CDC42BPA: variants seen among roughly 807,000 people sequenced by gnomAD.
CDC42BPA encodes serine/threonine-protein kinase MRCK alpha.
CDC42BPA carries 80 observed loss-of-function variants against 223.5 expected under a neutral mutation model. The observed-to-expected ratio is 0.36, with a 90% confidence interval of 0.30 to 0.43. The LOEUF (loss-of-function observed/expected upper bound fraction) is 0.43, where lower values mean the gene tolerates loss of function less well. Ranked by LOEUF, CDC42BPA falls within the 20% of genes least tolerant of loss-of-function variation. The pLI is 1.00. For missense variants in CDC42BPA, 1,743 were observed against 2,099.9 expected (o/e 0.83, Z 3.32); for synonymous variants, 694 against 718.6 (o/e 0.97, Z 0.55).
chr1:227,213,026 C>T, intron 3 of CDC42BPA, 110 bp downstream of exon 3: 2 of 547,200 alleles, frequency 3.7e-6, no homozygotes, highest in Non-Finnish European at 6.4e-6. Context: ...TAAAAAATGT[C>T]ACCACAGACA....
intron 10 of CDC42BPA, among the ~76,000 whole-genome samples, chr1:227,135,504 T>C (rs749584371): frequency 1.3e-5 from 2 of 152,168 alleles, no homozygotes; most frequent in Admixed American, 6.5e-5. Context: ...AACTAGGCTC[T>C]ATCCAGCTCC....
chr1:227,029,317 A>C, intron 29 of CDC42BPA, 67 bp from the exon 30 acceptor site: 6 of 1,035,934 alleles, frequency 5.8e-6, no homozygotes, highest in Non-Finnish European at 8.2e-6. Flanking sequence ...AATTATACTC[A>C]AAAGGATGTA....
At position 227,111,254 on chromosome 1, in the gene CDC42BPA, G is replaced by A. The variant is rs117861242; in HGVS notation, c.2001+1058C>T. On this transcript the variant is annotated intron_variant, in intron 14 of 36. Transcript: ENST00000366766. ...ACAGATATAGCAGAGAAAACAGGAT[G>A]GAAAAAGTTTCCAGTCAAAAAAGAT... is the stretch of plus-strand genomic sequence containing the variant. Among the ~76,000 whole-genome samples, 387 of 152,042 alleles carry A rather than the reference G, an allele frequency of 2.5e-3. 9 individuals carry two copies. In the East Asian group the frequency reaches 0.047, roughly 18 times the overall value.
At chr1:227,313,721 T>C (rs768555134) in intron 1 of CDC42BPA, among the ~76,000 whole-genome samples, 1 of 151,846 alleles carries the variant, frequency 6.6e-6, no homozygotes, top group Non-Finnish European at 1.5e-5. Flanking sequence ...AAGATACATA[T>C]CCATCAACAC....
At chr1:227,210,457 T>TCC (rs1673678274) in intron 3 of CDC42BPA, among the ~76,000 whole-genome samples, 3 of 152,190 alleles carry the variant, frequency 2.0e-5, no homozygotes, top group African/African-American at 7.2e-5. Context: ...TCTTCAGCTA[T>TCC]ACTTCACAGG....
intron 2 of CDC42BPA, among the ~76,000 whole-genome samples, chr1:227,245,284 CTTTTTTT>C (rs759666049): frequency 9.8e-5 from 8 of 81,786 alleles, no homozygotes; most frequent in African/African-American, 4.3e-4. Context: ...TGTCTTGCAT[CTTTTTTT>C]TTTTTTTTTT....
rs762092933 is a variant in CDC42BPA, at chr1:227,145,557, T to C, written c.1075A>G (p.Ile359Val). 43 of 1,613,492 alleles carry C rather than the reference T, an allele frequency of 2.7e-5. No individual in the cohort carries two copies. In the Admixed American group the frequency reaches 6.8e-4, roughly 26 times the overall value. Residue 359 changes from isoleucine to valine, a missense_variant, in exon 8 of 37, where the codon ATT (isoleucine) becomes GTT (valine). Physicochemically the swap from Ile to Val is conservative, Grantham distance 29. Transcript: ENST00000366766. ...DNIRNCEAPY[I>V]PEVSSPTDTS... The stretch of plus-strand genomic sequence containing the variant: ...TCTGTTGGGCTACTAACTTCTGGAA[T>C]ATAAGGTGCTTCACAGTTCCGAATA...
chr1:227,124,937 C>T (rs887836568), intron 11 of CDC42BPA, among the ~76,000 whole-genome samples: 4 of 151,974 alleles, frequency 2.6e-5, no homozygotes, highest in Admixed American at 1.3e-4. Context: ...AAACATAAGA[C>T]GACTCCGAAA....
chr1:227,258,579 G>A (rs1050220700), intron 1 of CDC42BPA, among the ~76,000 whole-genome samples: 3 of 150,964 alleles, frequency 2.0e-5, no homozygotes, highest in African/African-American at 7.4e-5. Context: ...CATTCATAAT[G>A]TCTGGGATAA....
chr1:227,311,024 C>A (rs1476265275), intron 1 of CDC42BPA, among the ~76,000 whole-genome samples: 1 of 152,058 alleles, frequency 6.6e-6, no homozygotes, highest in African/African-American at 2.4e-5. Flanking sequence ...AAACTTGTGT[C>A]TGGGATAATC....
At chr1:227,297,981 CATATAT>C (rs137866814) in intron 1 of CDC42BPA, among the ~76,000 whole-genome samples, 38 of 139,402 alleles carry the variant, frequency 2.7e-4, no homozygotes, top group Non-Finnish European at 4.4e-4. Flanking sequence ...CACACACACA[CATATAT>C]ACATATATAT....
At chr1:227,108,546 T>C (rs886725992) in intron 14 of CDC42BPA, among the ~76,000 whole-genome samples, 4 of 152,180 alleles carry the variant, frequency 2.6e-5, no homozygotes, top group Non-Finnish European at 4.4e-5. Flanking sequence ...GAATCTGCCA[T>C]GTGTACTTTA....
At chr1:227,262,151 A>G (rs922756933) in intron 1 of CDC42BPA, among the ~76,000 whole-genome samples, 1 of 152,206 alleles carries the variant, frequency 6.6e-6, no homozygotes, top group Non-Finnish European at 1.5e-5. Flanking sequence ...AGAGAATAAT[A>G]CAATCTGAAA....
intron 1 of CDC42BPA, among the ~76,000 whole-genome samples, chr1:227,261,118 G>GTTTTTTTTTTTTTTT (rs1351313489): frequency 7.8e-4 from 40 of 51,124 alleles, no homozygotes; most frequent in South Asian, 2.8e-3. Context: ...GAATAATTGA[G>GTTTTTTTTTTTTTTT]TTTTTCTTTT....
chr1:227,020,572 T>G (rs1281305458), intron 32 of CDC42BPA, among the ~76,000 whole-genome samples: 1 of 152,256 alleles, frequency 6.6e-6, no homozygotes, highest in East Asian at 1.9e-4. Flanking sequence ...TGCAGGTTCC[T>G]GATAGCTCTC....
intron 34 of CDC42BPA, chr1:227,011,026 C>A (rs1358893676): frequency 1.5e-5 from 20 of 1,357,930 alleles, no homozygotes; most frequent in Non-Finnish European, 1.9e-5. Context: ...GGAGATCAGA[C>A]CGGAGTGATG....
intron 15 of CDC42BPA, 69 bp from the exon 16 acceptor site, chr1:227,092,060 T>A: frequency 1.2e-6 from 1 of 836,238 alleles, no homozygotes; most frequent in Non-Finnish European, 1.9e-6. Flanking sequence ...AAATTATTTT[T>A]CCAATAGTTA....
At position 227,139,734 on chromosome 1, in the gene CDC42BPA, G is replaced by C; in HGVS notation, c.1232C>G (p.Ser411Cys). The C allele has an allele frequency of 6.6e-7, 1 of 1,522,256 alleles. No homozygotes were observed. Among genetic ancestry groups the C allele is most frequent in the Non-Finnish European group, 8.8e-7 (1 of 1,141,406 alleles). 94.3% of individuals were successfully genotyped at this position (1,522,256 alleles called of 1,614,324 possible). The stretch of plus-strand genomic sequence containing the variant: ...CGTAACTCTTAAACAGCTCCGATCA[G>C]AAAGTACACTGAAGAAAAGAAAAAA... ...GFTYTSSCVL[S>C]DRSCLRVTAG... Residue 411 changes from serine (S) to cysteine (C), a missense_variant, in exon 10 of 37, where the codon TCT (serine) becomes TGT (cysteine). This residue lies in a region of CDC42BPA where 464 missense variants were observed against 488.0 expected (regional missense o/e 0.95). Coordinates refer to ENST00000366766, the MANE Select transcript of CDC42BPA (RefSeq NM_001394014.1).
intron 35 of CDC42BPA, 151 bp downstream of exon 35, chr1:227,004,843 A>T: frequency 1.3e-6 from 1 of 762,622 alleles, no homozygotes; most frequent in Non-Finnish European, 2.4e-6. Context: ...TGTGCCTATT[A>T]GGCATTACCC....
Sources: allele counts gnomAD v4.1 joint callset (sites outside exome capture counted in the v4.1 genomes callset), GRCh38; gene constraint gnomAD v4.1.1; regional missense constraint gnomAD v4.1.1; transcripts MANE v1.5; gene names NCBI Gene and HGNC (gene_info 2026-07-23, HGNC 2026-07-21).